The following MAD1L1 variants were observed in gnomAD, a reference collection of about 807,000 sequenced individuals.
MAD1L1 encodes mitotic arrest deficient 1 like 1.
MAD1L1 carries 95 observed loss-of-function variants against 96.9 expected under a neutral mutation model. The observed-to-expected ratio is 0.98, with a 90% confidence interval of 0.83 to 1.16. The LOEUF is 1.16. MAD1L1 is among the 50% of genes most tolerant of loss of function. The pLI is 0.00. For synonymous variants in MAD1L1, 473 were observed against 396.6 expected (o/e 1.19, Z -2.29); for missense variants, 1,007 against 954.4 (o/e 1.06, Z -0.73).
chr7:2,045,955 G>A (rs758585634), intron 12 of MAD1L1, among the ~76,000 whole-genome samples: 6 of 152,200 alleles, frequency 3.9e-5, no homozygotes, highest in South Asian at 2.1e-4. Flanking sequence ...ACCACAGGCC[G>A]CCACAGCCCT....
At chr7:2,056,995 G>A (rs752902308) in intron 12 of MAD1L1, among the ~76,000 whole-genome samples, 11 of 152,164 alleles carry the variant, frequency 7.2e-5, no homozygotes, top group African/African-American at 1.4e-4. Context: ...AGCTCTCCCC[G>A]CAGTGACCTT....
intron 18 of MAD1L1, among the ~76,000 whole-genome samples, chr7:1,852,538 G>A (rs747869603): frequency 1.2e-4 from 19 of 152,306 alleles, no homozygotes; most frequent in Middle Eastern, 3.4e-3. Context: ...TGGCCCGACC[G>A]CCGCCATCTG....
intron 15 of MAD1L1, among the ~76,000 whole-genome samples, chr7:1,973,181 G>A (rs370468921): frequency 1.3e-5 from 2 of 152,228 alleles, no homozygotes; most frequent in East Asian, 3.8e-4. Context: ...AGGACACTCA[G>A]TTCCGTCAGT....
At chr7:2,048,667 G>A (rs1001089640) in intron 12 of MAD1L1, among the ~76,000 whole-genome samples, 3 of 152,144 alleles carry the variant, frequency 2.0e-5, no homozygotes, top group Non-Finnish European at 4.4e-5. Context: ...GTCCCCCTCC[G>A]CCCCTCTGTG....
At chr7:1,937,395 G>A (rs1723744399) in intron 16 of MAD1L1, among the ~76,000 whole-genome samples, 2 of 152,204 alleles carry the variant, frequency 1.3e-5, no homozygotes, top group African/African-American at 4.8e-5. Context: ...ATCAGCGTGG[G>A]TGGCTCAGGA....
intron 11 of MAD1L1, among the ~76,000 whole-genome samples, chr7:2,069,835 C>G (rs1165405794): frequency 6.6e-6 from 1 of 152,264 alleles, no homozygotes; most frequent in East Asian, 1.9e-4. Flanking sequence ...AGGGCCAACT[C>G]CAGGCTGCCC....
intron 11 of MAD1L1, among the ~76,000 whole-genome samples, chr7:2,136,283 G>A (rs1378628672): frequency 1.3e-5 from 2 of 152,238 alleles, no homozygotes; most frequent in African/African-American, 2.4e-5. Context: ...AACGTGGTGA[G>A]AGGGCACAGG....
At chr7:1,976,034 A>T (rs1307847917) in intron 15 of MAD1L1, among the ~76,000 whole-genome samples, 1 of 151,920 alleles carries the variant, frequency 6.6e-6, no homozygotes, top group African/African-American at 2.4e-5. Flanking sequence ...TGCCTCTTAA[A>T]AATCCCCACC....
At chr7:2,056,446 C>T (rs762648687) in intron 12 of MAD1L1, among the ~76,000 whole-genome samples, 16 of 152,042 alleles carry the variant, frequency 1.1e-4, no homozygotes, top group Non-Finnish European at 1.6e-4. Context: ...CTAGATCTCA[C>T]ACCCTCAGGG....
Position 2,215,876 on chromosome 7 carries a change from G to A in MAD1L1, c.924+9C>T. 5 of 1,613,586 alleles carry A rather than the reference G, an allele frequency of 3.1e-6. No homozygotes were observed. Among genetic ancestry groups the A allele is most frequent in the Non-Finnish European group, 3.4e-6 (4 of 1,179,522 alleles). ...ACCCACAGGAACCGCACACCACACA[G>A]GCCCTCACCTCGTTCTCCAGCTCCA... On this transcript the variant is annotated intron_variant, in intron 9 of 18. Transcript: ENST00000265854.
At chr7:2,024,234 C>G (rs1313282063) in intron 12 of MAD1L1, among the ~76,000 whole-genome samples, 1 of 152,144 alleles carries the variant, frequency 6.6e-6, no homozygotes, top group Non-Finnish European at 1.5e-5. Flanking sequence ...ACTCTACGCC[C>G]AGAAATTTGA....
intron 12 of MAD1L1, among the ~76,000 whole-genome samples, chr7:2,017,722 C>G (rs532227397): frequency 9.2e-5 from 14 of 152,330 alleles, no homozygotes; most frequent in Admixed American, 9.1e-4. Context: ...GGTGCTCCGG[C>G]GCGCTAATTA....
At chr7:2,069,920 C>T (rs1035300120) in intron 11 of MAD1L1, among the ~76,000 whole-genome samples, 2 of 152,228 alleles carry the variant, frequency 1.3e-5, no homozygotes, top group African/African-American at 2.4e-5. Flanking sequence ...CCTCCCTTTT[C>T]CCTGCATGGT....
chr7:1,826,268 T>A (rs1296050132), intron 18 of MAD1L1, among the ~76,000 whole-genome samples: 1 of 151,804 alleles, frequency 6.6e-6, no homozygotes, highest in Non-Finnish European at 1.5e-5. Flanking sequence ...GCCCTGACAG[T>A]CACTGCCTGG....
rs577886595 is a variant in MAD1L1 at position 2,067,839 on chromosome 7, G to A, written c.1218+1355C>T. ...AAAAGCCCTTCTGCGGCACCACCAC[G>A]GCGTCCACCTCTGTTGAGGTGCGTG... On this transcript the variant is annotated intron_variant, in intron 12 of 18. Transcript: ENST00000265854. Among the ~76,000 whole-genome samples, 18 of 152,256 alleles carry A rather than the reference G, an allele frequency of 1.2e-4. No individual in the cohort carries two copies. The East Asian group carries it at 1.3e-3, about 11-fold the overall frequency.
At chr7:1,943,658 G>A (rs1779101816) in intron 16 of MAD1L1, among the ~76,000 whole-genome samples, 1 of 152,124 alleles carries the variant, frequency 6.6e-6, no homozygotes, top group Non-Finnish European at 1.5e-5. Flanking sequence ...GTGTGCGGCA[G>A]CCCTGGAGAA....
intron 10 of MAD1L1, among the ~76,000 whole-genome samples, chr7:2,161,776 G>A (rs1244361944): frequency 6.7e-6 from 1 of 150,006 alleles, no homozygotes; most frequent in East Asian, 2.0e-4. Flanking sequence ...GGGAACTGAG[G>A]AGTGCCTCTG....
At chr7:2,069,524 A>G (rs543713170) in intron 11 of MAD1L1, among the ~76,000 whole-genome samples, 186 bp from the exon 12 acceptor site, 58 of 152,308 alleles carry the variant, frequency 3.8e-4, no homozygotes, top group East Asian at 1.9e-3. Flanking sequence ...CTGGATTTCA[A>G]ATAGACTCCC....
At chr7:2,193,531 TG>T (rs1411881820) in intron 10 of MAD1L1, 1 of 152,356 alleles carries the variant, frequency 6.6e-6, no homozygotes, top group African/African-American at 2.4e-5. Context: ...ATTTGTTGAA[TG>T]GAACAGACGT....
Sources: allele counts gnomAD v4.1 joint callset (sites outside exome capture counted in the v4.1 genomes callset), GRCh38; gene constraint gnomAD v4.1.1; transcripts MANE v1.5; gene names NCBI Gene and HGNC (gene_info 2026-07-23, HGNC 2026-07-21).